The following LARP4B variants were observed in gnomAD, a reference collection of about 807,000 sequenced individuals.
LARP4B encodes the protein la-related protein 4B.
A neutral mutation model predicts 89.8 loss-of-function variants in LARP4B; 12 were observed. The ratio of observed to expected loss-of-function variants is 0.13; its 90% CI spans 0.09 to 0.22. The LOEUF (loss-of-function observed/expected upper bound fraction) is 0.22, where lower values mean the gene tolerates loss of function less well. Ranked by LOEUF, LARP4B falls within the 10% of genes least tolerant of loss-of-function variation. The pLI is 1.00. For missense variants in LARP4B, 757 were observed against 947.7 expected (o/e 0.80, Z 2.64); for synonymous variants, 367 against 363.3 (o/e 1.01, Z -0.12).
At chr10:909,251 G>A (rs754306456) in intron 1 of LARP4B, among the ~76,000 whole-genome samples, 30 of 141,100 alleles carry the variant, frequency 2.1e-4, no homozygotes, top group Middle Eastern at 4.1e-3. Flanking sequence ...CCGAGATCGC[G>A]CCACTGCAAT....
At chr10:821,145 G>A (rs991380847) in intron 13 of LARP4B, among the ~76,000 whole-genome samples, 2 of 152,206 alleles carry the variant, frequency 1.3e-5, no homozygotes, top group African/African-American at 2.4e-5. Context: ...CATGAGTACT[G>A]AACATCCACT....
At chr10:889,568 C>G (rs1328622037) in intron 1 of LARP4B, among the ~76,000 whole-genome samples, 1 of 152,220 alleles carries the variant, frequency 6.6e-6, no homozygotes, top group Non-Finnish European at 1.5e-5. Context: ...GTTGAAATGA[C>G]ATTGAAAGAA....
chr10:928,363 G>A (rs1256668219), intron 1 of LARP4B, among the ~76,000 whole-genome samples: 1 of 152,064 alleles, frequency 6.6e-6, no homozygotes, highest in African/African-American at 2.4e-5. Context: ...AAGATTAGAA[G>A]ACCTAGATTA....
At chr10:905,664 AGG>A (rs1836470039) in intron 1 of LARP4B, among the ~76,000 whole-genome samples, 3 of 21,862 alleles carry the variant, frequency 1.4e-4, no homozygotes, top group Non-Finnish European at 3.4e-4. Context: ...TGGGGAGGGG[AGG>A]AGCTGAGGAG....
rs954776734 is a variant in LARP4B, at chr10:812,032, C to T, written c.*894G>A. On this transcript the variant is annotated 3_prime_UTR_variant, in exon 18 of 18. Coordinates refer to ENST00000316157, the MANE Select transcript of LARP4B (RefSeq NM_015155.3). ...TGATGCAGAGGTACAGGGAGATGTC[C>T]ACACGGAGCTGAAGATGTGGACTCT... 3 of 152,586 alleles carry T rather than the reference C, an allele frequency of 2.0e-5. No individual in the cohort carries two copies. Among genetic ancestry groups the T allele is most frequent in the Non-Finnish European group, 4.4e-5 (3 of 68,044 alleles). The allele number at this position is 152,586 out of a possible 1,614,324, so 9.5% of individuals were successfully genotyped here. A position where few individuals can be genotyped will look rare whatever the true frequency, so the allele number is the denominator to read the frequency against.
intron 5 of LARP4B, among the ~76,000 whole-genome samples, chr10:845,869 T>C (rs1358615511): frequency 6.6e-6 from 1 of 152,212 alleles, no homozygotes; most frequent in Non-Finnish European, 1.5e-5. Context: ...ATAAGAGCCA[T>C]GCTAACACAA....
At chr10:875,218 C>T (rs759978107) in intron 3 of LARP4B, among the ~76,000 whole-genome samples, 1 of 152,210 alleles carries the variant, frequency 6.6e-6, no homozygotes, top group Non-Finnish European at 1.5e-5. Context: ...AGTCTCAGCT[C>T]CATTTTTACA....
the LARP4B span, among the ~76,000 whole-genome samples, chr10:939,229 C>A: frequency 6.6e-6 from 1 of 152,154 alleles, no homozygotes. Flanking sequence ...GAAGGAGTCC[C>A]GCTCAGGCGA....
At chr10:945,729 G>A in the LARP4B span, among the ~76,000 whole-genome samples, 11 of 151,946 alleles carry the variant, frequency 7.2e-5, no homozygotes, top group Non-Finnish European at 1.3e-4. Context: ...CTATGTGTTA[G>A]GAACTGAATG....
At chr10:980,341 T>C in the LARP4B span, among the ~76,000 whole-genome samples, 1 of 152,356 alleles carries the variant, frequency 6.6e-6, no homozygotes, top group East Asian at 1.9e-4. Context: ...ATAGCTCCAC[T>C]AGGCAGTGCC....
intron 8 of LARP4B, among the ~76,000 whole-genome samples, chr10:831,311 G>C (rs952760537): frequency 7.8e-6 from 1 of 128,524 alleles, no homozygotes; most frequent in Non-Finnish European, 1.7e-5. Flanking sequence ...GGCAATTTAA[G>C]AAAAAAAATT....
At chr10:871,670 C>G (rs1166073025) in intron 3 of LARP4B, among the ~76,000 whole-genome samples, 3 of 152,122 alleles carry the variant, frequency 2.0e-5, no homozygotes, top group Non-Finnish European at 4.4e-5. Context: ...CGGCTCCCAG[C>G]AGTCATCAAG....
At chr10:987,477 C>CA in the LARP4B span, 1 of 152,210 alleles carries the variant, frequency 6.6e-6, no homozygotes, top group Non-Finnish European at 1.5e-5. Context: ...GTTCAAAGCC[C>CA]ACCTCTGCTG....
chr10:939,967 T>C, the LARP4B span, among the ~76,000 whole-genome samples: 1 of 151,702 alleles, frequency 6.6e-6, no homozygotes, highest in Non-Finnish European at 1.5e-5. Context: ...TGCCTCAGCC[T>C]CCTGAGTAGC....
upstream of LARP4B, among the ~76,000 whole-genome samples, chr10:932,305 ACCTC>A: frequency 1.3e-5 from 1 of 74,240 alleles, no homozygotes; most frequent in Non-Finnish European, 2.9e-5. Flanking sequence ...TGCCCGGAAC[ACCTC>A]ACCCCACACC....
intron 1 of LARP4B, among the ~76,000 whole-genome samples, chr10:925,629 G>A (rs970249938): frequency 6.6e-6 from 1 of 152,066 alleles, no homozygotes; most frequent in African/African-American, 2.4e-5. Context: ...TGCCTCCCGG[G>A]TTTAAGCAAT....
At chr10:905,432 A>C (rs1836462725) in intron 1 of LARP4B, among the ~76,000 whole-genome samples, 1 of 152,212 alleles carries the variant, frequency 6.6e-6, no homozygotes, top group Admixed American at 6.5e-5. Flanking sequence ...AATCCTATAT[A>C]GCTCTTGAAA....
chr10:932,579 C>T (rs1830679564), upstream of LARP4B, among the ~76,000 whole-genome samples: 1 of 119,894 alleles, frequency 8.3e-6, no homozygotes. Context: ...ACCCCACACC[C>T]GGGACCAAGG....
chr10:939,988 G>T, the LARP4B span, among the ~76,000 whole-genome samples: 1 of 151,024 alleles, frequency 6.6e-6, no homozygotes, highest in African/African-American at 2.4e-5. Flanking sequence ...TGGGATTACT[G>T]GCATGTGCCA....
Sources: allele counts gnomAD v4.1 joint callset (sites outside exome capture counted in the v4.1 genomes callset), GRCh38; gene constraint gnomAD v4.1.1; transcripts MANE v1.5; gene names NCBI Gene and HGNC (gene_info 2026-07-23, HGNC 2026-07-21).